The following SGCZ variants were observed in gnomAD, a reference collection of about 807,000 sequenced individuals.
The protein encoded by SGCZ is sarcoglycan zeta.
A neutral mutation model predicts 41.3 loss-of-function variants in SGCZ; 40 were observed. The observed-to-expected ratio is 0.97, with a 90% CI of 0.75 to 1.26. The LOEUF (loss-of-function observed/expected upper bound fraction) is 1.26. Among genes scored for constraint, SGCZ ranks in the 50% most tolerant of loss-of-function variants. The pLI, the probability that SGCZ is intolerant of heterozygous loss-of-function variation, is 0.00. For synonymous variants in SGCZ, 206 were observed against 137.5 expected, an observed-to-expected ratio of 1.50 and a Z score of -3.49; for missense variants, 552 against 369.8, an observed-to-expected ratio of 1.49 and a Z score of -4.04.
intron 1 of SGCZ, among the ~76,000 whole-genome samples, chr8:14,854,195 A>G (rs985817567): frequency 6.6e-6 from 1 of 151,490 alleles, no homozygotes; most frequent in Non-Finnish European, 1.5e-5. Context: ...ACTATTTAGT[A>G]ATCATCTTAA....
At chr8:14,297,057 G>A (rs1167019411) in intron 3 of SGCZ, among the ~76,000 whole-genome samples, 1 of 151,966 alleles carries the variant, frequency 6.6e-6, no homozygotes, top group Non-Finnish European at 1.5e-5. Flanking sequence ...GAGTAGTGAG[G>A]AGTACAGACG....
intron 2 of SGCZ, among the ~76,000 whole-genome samples, chr8:14,435,838 C>G (rs1183498749): frequency 2.0e-5 from 3 of 152,094 alleles, no homozygotes; most frequent in African/African-American, 7.2e-5. Flanking sequence ...CAGGGCTAGC[C>G]CATGCTCTAG....
rs187655701 is a variant in SGCZ, at chr8:14,314,990, G to A, written c.336+9113C>T. The stretch of plus-strand genomic sequence containing the variant: ...ATTGCAAACATTCAAGTCCCATTAT[G>A]TCTAATGCTGTCAGAAATAGTGTAA... On this transcript the variant is annotated intron_variant, in intron 3 of 7. Coordinates refer to ENST00000382080, the MANE Select transcript of SGCZ (RefSeq NM_139167.4). 2.9e-3 allele frequency among the ~76,000 whole-genome samples: 440 copies of A among 152,238 alleles called. 3 individuals are homozygous for A. Among genetic ancestry groups the A allele is most frequent in the African/African-American group, 0.01 (418 of 41,566 alleles).
At chr8:14,661,816 T>C (rs1339837462) in intron 1 of SGCZ, among the ~76,000 whole-genome samples, 1 of 148,268 alleles carries the variant, frequency 6.7e-6, no homozygotes, top group Non-Finnish European at 1.5e-5. Context: ...TGTTATTAAG[T>C]CTATGAAATG....
At chr8:15,203,486 T>G (rs1800962087) in intron 1 of SGCZ, among the ~76,000 whole-genome samples, 1 of 152,174 alleles carries the variant, frequency 6.6e-6, no homozygotes, top group African/African-American at 2.4e-5. Context: ...AAGATCTTGA[T>G]CTTGTAAATT....
At chr8:14,293,463 C>T (rs1184133394) in intron 3 of SGCZ, among the ~76,000 whole-genome samples, 2 of 151,964 alleles carry the variant, frequency 1.3e-5, no homozygotes, top group Non-Finnish European at 2.9e-5. Context: ...CCAGTGATTT[C>T]CCATTAACAT....
chr8:14,287,666 G>A (rs1800687941), intron 3 of SGCZ, among the ~76,000 whole-genome samples: 1 of 152,076 alleles, frequency 6.6e-6, no homozygotes, highest in Admixed American at 6.6e-5. Flanking sequence ...TGACAGTCAG[G>A]TTTTTAATTT....
At chr8:14,460,576 A>G (rs1800873144) in intron 2 of SGCZ, among the ~76,000 whole-genome samples, 1 of 152,126 alleles carries the variant, frequency 6.6e-6, no homozygotes, top group African/African-American at 2.4e-5. Flanking sequence ...GCATAGAAAG[A>G]TGTGCATAAT....
chr8:14,119,493 C>A (rs560730385), intron 5 of SGCZ, among the ~76,000 whole-genome samples: 1 of 152,228 alleles, frequency 6.6e-6, no homozygotes, highest in South Asian at 2.1e-4. Context: ...AATATACAAT[C>A]ATGACATCTG....
intron 5 of SGCZ, among the ~76,000 whole-genome samples, chr8:14,117,356 G>GGC (rs1554460512): frequency 6.3e-5 from 9 of 143,438 alleles, no homozygotes; most frequent in South Asian, 2.1e-4. Flanking sequence ...AATAGGTAGT[G>GGC]TTTTTTTTTT....
At chr8:14,745,293 C>T (rs1256539749) in intron 1 of SGCZ, among the ~76,000 whole-genome samples, 1 of 152,060 alleles carries the variant, frequency 6.6e-6, no homozygotes, top group African/African-American at 2.4e-5. Context: ...TCCAAGGTGC[C>T]AAATGCATGG....
intron 1 of SGCZ, among the ~76,000 whole-genome samples, chr8:15,065,722 C>T (rs1033867582): frequency 2.0e-5 from 3 of 152,026 alleles, no homozygotes; most frequent in Non-Finnish European, 4.4e-5. Flanking sequence ...CACAGGTATA[C>T]ACACTCAGAT....
In SGCZ at chr8:15,237,895, G is replaced by C. The variant is rs573906460; in HGVS notation, c.-272C>G. The stretch of plus-strand genomic sequence containing the variant: ...CAACACAGCTGAGTCGATTGAAACA[G>C]GGGCCAAAAGAAAAAAGGAAAAAAA... On this transcript the variant is annotated 5_prime_UTR_variant, in exon 1 of 8. Coordinates refer to ENST00000382080, the MANE Select transcript of SGCZ (RefSeq NM_139167.4). 2.6e-6 allele frequency: 1 copy of C among 384,658 alleles called. No homozygotes were observed. Among genetic ancestry groups the C allele is most frequent in the South Asian group, 8.1e-5 (1 of 12,286 alleles). The allele number at this position is 384,658 out of a possible 1,614,324, so 23.8% of individuals were successfully genotyped here. A position where few individuals can be genotyped will look rare whatever the true frequency, so the allele number is the denominator to read the frequency against.
chr8:15,011,769 AT>A (rs1219814951), intron 1 of SGCZ, among the ~76,000 whole-genome samples: 3 of 152,158 alleles, frequency 2.0e-5, no homozygotes, highest in African/African-American at 7.2e-5. Flanking sequence ...TTCCTCTAAA[AT>A]GTTTATTGTA....
chr8:14,805,185 C>A (rs1366065077), intron 1 of SGCZ, among the ~76,000 whole-genome samples: 3 of 44,862 alleles, frequency 6.7e-5, no homozygotes, highest in East Asian at 7.5e-4. Flanking sequence ...CGAGCAAAAT[C>A]ACCAGCTAAC....
At chr8:14,992,401 A>G in intron 1 of SGCZ, among the ~76,000 whole-genome samples, 1 of 142,664 alleles carries the variant, frequency 7.0e-6, no homozygotes, top group East Asian at 2.2e-4. Context: ...CTCACCCTCA[A>G]CTATTCAACT....
At chr8:15,025,775 A>T (rs546078116) in intron 1 of SGCZ, among the ~76,000 whole-genome samples, 5 of 152,338 alleles carry the variant, frequency 3.3e-5, no homozygotes, top group African/African-American at 1.2e-4. Context: ...AAAGTACCAG[A>T]TTATACATAG....
intron 1 of SGCZ, among the ~76,000 whole-genome samples, chr8:15,230,056 G>A (rs1232626896): frequency 6.6e-6 from 1 of 152,046 alleles, no homozygotes; most frequent in Non-Finnish European, 1.5e-5. Context: ...AAGTAAACCG[G>A]AATGTGCATG....
chr8:14,217,688 G>T (rs1389532825), intron 4 of SGCZ, among the ~76,000 whole-genome samples: 1 of 144,564 alleles, frequency 6.9e-6, no homozygotes, highest in Non-Finnish European at 1.5e-5. Flanking sequence ...GGAGTGCAGC[G>T]GTGTGATCTC....
Sources: gnomAD v4.1 joint callset for allele counts (sites outside exome capture counted in the v4.1 genomes callset) on GRCh38, gnomAD v4.1.1 for gene constraint, MANE v1.5 for transcripts, NCBI Gene and HGNC (gene_info 2026-07-23, HGNC 2026-07-21) for gene names.